The following FCRL2 variants were observed in gnomAD, a reference collection of about 807,000 sequenced individuals.
FCRL2 encodes Fc receptor like 2.
A neutral mutation model predicts 59.8 loss-of-function variants in FCRL2; 48 were observed. The ratio of observed to expected loss-of-function variants is 0.80; its 90% CI spans 0.64 to 1.02. The LOEUF (loss-of-function observed/expected upper bound fraction) is 1.02. Among genes scored for constraint, FCRL2 ranks in the 50% least tolerant of loss-of-function variants. The pLI is 0.00. For synonymous variants in FCRL2, 251 were observed against 229.5 expected (o/e 1.09, Z -0.85); for missense variants, 658 against 597.3 (o/e 1.10, Z -1.06).
In FCRL2 at chr1:157,745,913, C is replaced by T. The variant is rs1359380622; in HGVS notation, c.*823G>A. ...AAATGCTGCAATAAAGCAAGTCACA[C>T]AGATTTTTTGGTTTCCCAGTGCATA... is the stretch of plus-strand genomic sequence containing the variant. On this transcript the variant is annotated 3_prime_UTR_variant, in exon 12 of 12. Transcript: ENST00000361516. 6.6e-6 allele frequency: 1 copy of T among 152,162 alleles called. No individual in the cohort carries two copies. Among genetic ancestry groups the T allele is most frequent in the Non-Finnish European group, 1.5e-5 (1 of 68,026 alleles). The allele number at this position is 152,162 out of a possible 1,614,324, so 9.4% of individuals were successfully genotyped here.
At chr1:157,769,817 A>G (rs1649843746) in intron 4 of FCRL2, 49 bp downstream of exon 4, 1 of 1,584,210 alleles carries the variant, frequency 6.3e-7, no homozygotes, top group East Asian at 2.2e-5. Context: ...AGCTGAAGCT[A>G]TAACACTCCT....
chr1:157,747,032 C>T (rs1647802145), intron 10 of FCRL2, 133 bp from the exon 11 acceptor site: 1 of 975,630 alleles, frequency 1.0e-6, no homozygotes, highest in South Asian at 1.6e-5. Flanking sequence ...CTGTAAAATC[C>T]TTTCTTAAAG....
At chr1:157,751,234 A>G (rs192259383) in intron 7 of FCRL2, among the ~76,000 whole-genome samples, 141 of 152,346 alleles carry the variant, frequency 9.3e-4, no homozygotes, top group African/African-American at 3.2e-3. Flanking sequence ...TACAGGAGAT[A>G]GAGGCACTAT....
intron 7 of FCRL2, chr1:157,766,583 A>G (rs2101731341): frequency 2.1e-6 from 1 of 483,858 alleles, no homozygotes; most frequent in East Asian, 3.3e-5. Flanking sequence ...GCAATTAAGA[A>G]TTAGACTTTT....
At chr1:157,763,733 T>C (rs1649276578) in intron 7 of FCRL2, among the ~76,000 whole-genome samples, 1 of 151,694 alleles carries the variant, frequency 6.6e-6, no homozygotes, top group Admixed American at 6.6e-5. Context: ...TAAAACAGAC[T>C]GAGTCAAAAA....
chr1:157,762,218 C>T (rs1649152057), intron 7 of FCRL2, among the ~76,000 whole-genome samples: 1 of 152,232 alleles, frequency 6.6e-6, no homozygotes. Context: ...TACCTACCCG[C>T]ATGCACCATC....
chr1:157,754,598 G>A (rs866382956), intron 7 of FCRL2, among the ~76,000 whole-genome samples: 1 of 151,904 alleles, frequency 6.6e-6, no homozygotes, highest in African/African-American at 2.4e-5. Flanking sequence ...CTCTCTTGGG[G>A]TCTGGATCCA....
At chr1:157,764,553 A>C (rs902998747) in intron 7 of FCRL2, among the ~76,000 whole-genome samples, 1 of 152,260 alleles carries the variant, frequency 6.6e-6, no homozygotes, top group Non-Finnish European at 1.5e-5. Context: ...AACATTCTCC[A>C]GAATAGACCA....
At chr1:157,751,405 AG>A (rs1648173377) in intron 7 of FCRL2, among the ~76,000 whole-genome samples, 2 of 152,232 alleles carry the variant, frequency 1.3e-5, no homozygotes, top group African/African-American at 4.8e-5. Flanking sequence ...CTCTAAGAAA[AG>A]GGAGATGAGG....
chr1:157,760,954 G>A (rs912318098), intron 7 of FCRL2, among the ~76,000 whole-genome samples: 4 of 152,032 alleles, frequency 2.6e-5, no homozygotes, highest in South Asian at 2.1e-4. Context: ...TAAAATAAAC[G>A]TTGGAAGTAA....
chr1:157,763,248 T>C (rs1248390510), intron 7 of FCRL2, among the ~76,000 whole-genome samples: 2 of 152,118 alleles, frequency 1.3e-5, no homozygotes, highest in Non-Finnish European at 2.9e-5. Flanking sequence ...ATAGATGGGG[T>C]GCCGTGGCTC....
chr1:157,748,441 CAAATAAATAAATAAATAAAT>C (rs58239785), intron 10 of FCRL2, 92 bp downstream of exon 10: 7 of 355,734 alleles, frequency 2.0e-5, no homozygotes, highest in Admixed American at 1.1e-4. Flanking sequence ...GATAGATAGA[CAAATAAATAAATAAATAAAT>C]AAATAAATAA....
intron 7 of FCRL2, among the ~76,000 whole-genome samples, chr1:157,762,227 T>C (rs1194009080): frequency 1.3e-5 from 2 of 152,166 alleles, no homozygotes; most frequent in South Asian, 2.1e-4. Flanking sequence ...GCATGCACCA[T>C]CTGCAGGTCT....
chr1:157,754,986 GA>G (rs1648478480), intron 7 of FCRL2, among the ~76,000 whole-genome samples: 1 of 151,114 alleles, frequency 6.6e-6, no homozygotes, highest in Non-Finnish European at 1.5e-5. Flanking sequence ...GAAAAGAAAA[GA>G]AAAAAAGGAG....
chr1:157,774,995 G>A lies in FCRL2; in HGVS notation c.52+780C>T, dbSNP rs373544992. 1.3e-4 allele frequency among the ~76,000 whole-genome samples: 20 copies of A among 152,240 alleles called. No individual in the cohort carries two copies. The East Asian group carries it at 2.1e-3, about 16-fold the overall frequency. ...TTTTCCCATTGACTTCCTTCACTGA[G>A]CACAGATTTAACTCAGAAAGAGTGA... On this transcript the variant is annotated intron_variant, in intron 2 of 11. Transcript: ENST00000361516.
chr1:157,769,629 G>T, intron 4 of FCRL2: 1 of 392,462 alleles, frequency 2.5e-6, no homozygotes. Context: ...GGGTTTCACC[G>T]TGTTAGCCAG....
rs571985635 is a variant in FCRL2 at position 157,768,694 on chromosome 1, G to A, written c.603C>T (p.Pro201=). The stretch of plus-strand genomic sequence containing the variant: ...GGATCTCCAAGCTTACATTAGAGAT[G>A]GGGATTCCTAGATGGATATAAGACA... The part of the protein sequence containing the change: ...LQSQIHVQRI[P]ISNVSLEIRA... The change falls in exon 5 of 12, where the codon CCC becomes CCT. Residue 201 remains proline (P), a synonymous_variant. Transcript: ENST00000361516. 5 of 1,608,588 alleles carry A rather than the reference G, an allele frequency of 3.1e-6. No homozygotes were observed. The Admixed American group carries it at 6.7e-5, about 22-fold the overall frequency.
intron 1 of FCRL2, 130 bp downstream of exon 1, chr1:157,776,913 A>T: frequency 1.2e-6 from 1 of 837,832 alleles, no homozygotes; most frequent in Non-Finnish European, 2.0e-6. Context: ...TCTGCCTTTG[A>T]AGCCCAAGCT....
chr1:157,759,844 G>C (rs1362264913), intron 7 of FCRL2, among the ~76,000 whole-genome samples: 2 of 152,160 alleles, frequency 1.3e-5, no homozygotes, highest in Non-Finnish European at 1.5e-5. Context: ...ATTGTTGGTG[G>C]CAATGTAAAT....
Sources: gnomAD v4.1 joint callset for allele counts (sites outside exome capture counted in the v4.1 genomes callset) on GRCh38, gnomAD v4.1.1 for gene constraint, MANE v1.5 for transcripts, NCBI Gene and HGNC (gene_info 2026-07-23, HGNC 2026-07-21) for gene names.